The following SERPINB8 variants were observed in gnomAD, a reference collection of about 807,000 sequenced individuals.
SERPINB8 encodes the protein serpin B8.
SERPINB8 carries 25 observed loss-of-function variants against 35.3 expected under a neutral mutation model. That is an observed-to-expected ratio of 0.71 (90% CI 0.52 to 0.99). The LOEUF is 0.99. SERPINB8 is among the 50% of genes least tolerant of loss of function. The probability of loss-of-function intolerance (pLI) is 0.00; values close to 1 mark genes in which losing one functional copy is unlikely to be tolerated. For missense variants in SERPINB8, 484 were observed against 446.5 expected (o/e 1.08, Z -0.76); for synonymous variants, 186 against 160.8 (o/e 1.16, Z -1.19).
chr18:63,979,608 A>G (rs1383310502), intron 2 of SERPINB8, among the ~76,000 whole-genome samples, 193 bp from the exon 3 acceptor site: 2 of 152,152 alleles, frequency 1.3e-5, no homozygotes, highest in African/African-American at 4.8e-5. Flanking sequence ...CTTATATGAG[A>G]CAAGGAAGTG....
At chr18:64,019,557 C>T (rs906960071) in exon 8 of SERPINB8, 2 of 152,158 alleles carry the variant, frequency 1.3e-5, no homozygotes, top group Non-Finnish European at 2.9e-5. Flanking sequence ...GGATAAACCA[C>T]TCTCTTTCAC....
At chr18:63,994,525 C>A (rs1162658225) in intron 1 of SERPINB8, among the ~76,000 whole-genome samples, 1 of 152,148 alleles carries the variant, frequency 6.6e-6, no homozygotes, top group East Asian at 1.9e-4. Context: ...TGGGAGGTGC[C>A]AGTGGACCCC....
chr18:63,970,137 G>A lies in SERPINB8; in HGVS notation c.-44G>A. On this transcript the variant is annotated 5_prime_UTR_variant, in exon 1 of 7. Coordinates refer to ENST00000397985, the MANE Select transcript of SERPINB8 (RefSeq NM_002640.4). ...AGGAATAGTCAAAGCAGCAGCGGCG[G>A]CGGCGGCGGCGGCAGCAGCAGCAGC... The A allele has an allele frequency of 2.7e-6, 1 of 366,606 alleles. No individual in the cohort carries two copies. Among genetic ancestry groups the A allele is most frequent in the South Asian group, 2.1e-5 (1 of 48,452 alleles). 22.7% of individuals were successfully genotyped at this position (366,606 alleles called of 1,614,324 possible). A position where few individuals can be genotyped will look rare whatever the true frequency, so the allele number is the denominator to read the frequency against.
At chr18:63,997,339 T>C (rs2050854929) in intron 1 of SERPINB8, among the ~76,000 whole-genome samples, 1 of 152,104 alleles carries the variant, frequency 6.6e-6, no homozygotes, top group Non-Finnish European at 1.5e-5. Flanking sequence ...CTCTAGTGAA[T>C]GAAAATGTTC....
At position 63,970,142 on chromosome 18, in the gene SERPINB8, G is replaced by GGCGGCGGCA. The variant is rs751573134; in HGVS notation, c.-36_-28dup. The GGCGGCGGCA allele has an allele frequency of 2.7e-6, 1 of 368,322 alleles. No homozygotes were observed. The highest frequency in any genetic ancestry group is 5.3e-6 in the Non-Finnish European group (1 of 187,178). The allele number at this position is 368,322 out of a possible 1,614,324, so 22.8% of individuals were successfully genotyped here. ...TAGTCAAAGCAGCAGCGGCGGCGGC[G>GGCGGCGGCA]GCGGCGGCAGCAGCAGCAGCAGCAG... is the stretch of plus-strand genomic sequence containing the variant. On this transcript the variant is annotated 5_prime_UTR_variant, in exon 1 of 7. Coordinates refer to ENST00000397985, the MANE Select transcript of SERPINB8 (RefSeq NM_002640.4).
At chr18:63,979,694 A>C in intron 2 of SERPINB8, 107 bp from the exon 3 acceptor site, 1 of 1,351,982 alleles carries the variant, frequency 7.4e-7, no homozygotes, top group African/African-American at 1.5e-5. Context: ...AAACCTTTTT[A>C]AAGTAGGATC....
intron 1 of SERPINB8, among the ~76,000 whole-genome samples, chr18:64,000,656 G>A (rs2050870068): frequency 6.6e-6 from 1 of 152,094 alleles, no homozygotes; most frequent in Admixed American, 6.6e-5. Context: ...GGGCTCTGTT[G>A]GGACACTGCC....
At chr18:63,991,426 C>G (rs181533427), downstream of SERPINB8, among the ~76,000 whole-genome samples, 113 of 151,616 alleles carry the variant, frequency 7.5e-4, no homozygotes, top group Non-Finnish European at 1.1e-3. Context: ...ACAAGTCTGG[C>G]ACAAATTTTG....
chr18:63,971,207 A>G (rs949745165), intron 1 of SERPINB8, among the ~76,000 whole-genome samples: 5 of 150,964 alleles, frequency 3.3e-5, no homozygotes, highest in Non-Finnish European at 7.4e-5. Context: ...TCCTTTTACT[A>G]CCTCCAGATA....
At chr18:63,995,180 C>T (rs1404049664) in intron 1 of SERPINB8, among the ~76,000 whole-genome samples, 2 of 152,108 alleles carry the variant, frequency 1.3e-5, no homozygotes, top group Non-Finnish European at 2.9e-5. Flanking sequence ...TGTTGTCATC[C>T]CTCCCAGTGA....
chr18:63,996,286 C>T (rs2050848910), intron 1 of SERPINB8, among the ~76,000 whole-genome samples: 1 of 152,184 alleles, frequency 6.6e-6, no homozygotes, highest in African/African-American at 2.4e-5. Flanking sequence ...TCTGTCTGGC[C>T]TGCGCACATG....
At chr18:64,009,235 A>G (rs1170298272), downstream of SERPINB8, among the ~76,000 whole-genome samples, 1 of 152,228 alleles carries the variant, frequency 6.6e-6, no homozygotes, top group Admixed American at 6.5e-5. Flanking sequence ...CATTCATAGA[A>G]AGACCTTGAG....
rs540571165 is a variant in SERPINB8 at position 63,972,916 on chromosome 18, G to A, written c.-11+2746G>A. On this transcript the variant is annotated intron_variant, in intron 1 of 6. Coordinates refer to ENST00000397985, the MANE Select transcript of SERPINB8 (RefSeq NM_002640.4). ...TGATGGACATTTGGGTTGGTTCCAA[G>A]TCTTTGCTATTGTGAATAGTGCCGC... 2.6e-5 allele frequency among the ~76,000 whole-genome samples: 4 copies of A among 152,264 alleles called. No individual in the cohort carries two copies. In the South Asian group the frequency reaches 8.3e-4, roughly 32 times the overall value.
chr18:64,014,849 C>T (rs755123798), intron 7 of SERPINB8, among the ~76,000 whole-genome samples: 14 of 152,054 alleles, frequency 9.2e-5, no homozygotes, highest in Non-Finnish European at 1.8e-4. Context: ...ATTGAGCTAC[C>T]CAGATTCAAA....
At chr18:63,992,732 C>T (rs1004553933), downstream of SERPINB8, among the ~76,000 whole-genome samples, 1 of 152,166 alleles carries the variant, frequency 6.6e-6, no homozygotes, top group South Asian at 2.1e-4. Flanking sequence ...AAGACAAAGA[C>T]AAAAGAGTAT....
chr18:63,979,992 A>C (rs2050645951), intron 3 of SERPINB8, 54 bp downstream of exon 3: 1 of 1,556,768 alleles, frequency 6.4e-7, no homozygotes, highest in African/African-American at 1.4e-5. Context: ...GTTAGACTAC[A>C]GAAGAGCAGA....
chr18:64,002,757 G>T (rs948306896), intron 1 of SERPINB8, among the ~76,000 whole-genome samples: 12 of 152,010 alleles, frequency 7.9e-5, no homozygotes, highest in Non-Finnish European at 1.6e-4. Flanking sequence ...CCCCCACGCG[G>T]CCCCAGCCTC....
chr18:64,003,494 A>G (rs1223092896), intron 1 of SERPINB8, among the ~76,000 whole-genome samples: 1 of 151,336 alleles, frequency 6.6e-6, no homozygotes, highest in South Asian at 2.1e-4. Context: ...CCTAGAACCA[A>G]ACTCCATTGG....
At position 63,978,346 on chromosome 18, in the gene SERPINB8, T is replaced by C. The variant is rs1207129434; in HGVS notation, c.38T>C (p.Ile13Thr). 1 of 1,614,182 alleles carries C rather than the reference T, an allele frequency of 6.2e-7. No homozygotes were observed. ...DLCEANGTFA[I>T]SLFKILGEED... ...TGTGAAGCAAATGGCACTTTTGCCA[T>C]CAGCTTATTTAAAATATTGGGGGAA... The change falls in exon 2 of 7, where the codon ATC becomes ACC. Residue 13 changes from isoleucine (I) to threonine (T), a missense_variant. Ile to Thr is a moderately conservative substitution (Grantham distance 89). Transcript: ENST00000397985.
Sources: allele counts gnomAD v4.1 joint callset (sites outside exome capture counted in the v4.1 genomes callset), GRCh38; gene constraint gnomAD v4.1.1; transcripts MANE v1.5; gene names NCBI Gene and HGNC (gene_info 2026-07-23, HGNC 2026-07-21).